Variants in NOL4L observed in about 807,000 individuals in gnomAD.
NOL4L encodes the protein nucleolar protein 4-like.
In NOL4L, 7 loss-of-function variants were observed where a neutral mutation model predicts 64.5. The observed-to-expected ratio is 0.11, with a 90% confidence interval of 0.06 to 0.20. The LOEUF is 0.20. Among genes scored for constraint, NOL4L ranks in the 10% least tolerant of loss-of-function variants. The pLI is 1.00. For missense variants in NOL4L, 680 were observed against 967.1 expected, an observed-to-expected ratio of 0.70 and a Z score of 3.94; for synonymous variants, 413 against 401.0, an observed-to-expected ratio of 1.03 and a Z score of -0.36.
At chr20:32,572,755 G>A (rs1568720695) in intron 1 of NOL4L, among the ~76,000 whole-genome samples, 1 of 152,182 alleles carries the variant, frequency 6.6e-6, no homozygotes, top group East Asian at 1.9e-4. Context: ...GTCAATCCTG[G>A]AGGCAAACCC....
intron 5 of NOL4L, among the ~76,000 whole-genome samples, chr20:32,471,674 C>T (rs780637293): frequency 5.1e-4 from 77 of 152,106 alleles, no homozygotes; most frequent in Non-Finnish European, 8.8e-4. Flanking sequence ...ATGTGTCCTC[C>T]AGGGTTGGAG....
intron 5 of NOL4L, among the ~76,000 whole-genome samples, chr20:32,456,739 G>T (rs1258068655): frequency 6.6e-6 from 1 of 152,206 alleles, no homozygotes; most frequent in Non-Finnish European, 1.5e-5. Flanking sequence ...GAGGGCCCTG[G>T]AGGCCCTCGA....
chr20:32,533,946 T>C (rs1222497730), intron 1 of NOL4L, among the ~76,000 whole-genome samples: 1 of 152,200 alleles, frequency 6.6e-6, no homozygotes, highest in Non-Finnish European at 1.5e-5. Flanking sequence ...CATGAGCCAA[T>C]TAAATGGACC....
chr20:32,510,876 G>A (rs1434905356), intron 4 of NOL4L, among the ~76,000 whole-genome samples: 1 of 152,154 alleles, frequency 6.6e-6, no homozygotes, highest in Non-Finnish European at 1.5e-5. Flanking sequence ...CAGCTGGGGA[G>A]GCTTGGACGG....
intron 1 of NOL4L, among the ~76,000 whole-genome samples, chr20:32,547,358 A>G (rs137932777): frequency 1.2e-4 from 18 of 152,204 alleles, no homozygotes; most frequent in Non-Finnish European, 2.4e-4. Context: ...TGGCTCAATC[A>G]TGACTCACTG....
chr20:32,501,846 A>G, intron 4 of NOL4L, among the ~76,000 whole-genome samples: 1 of 152,200 alleles, frequency 6.6e-6, no homozygotes, highest in East Asian at 1.9e-4. Flanking sequence ...ATATCAAAAG[A>G]GAGAGAGCTA....
intron 1 of NOL4L, among the ~76,000 whole-genome samples, chr20:32,537,785 T>C (rs960166042): frequency 1.3e-5 from 2 of 151,962 alleles, no homozygotes; most frequent in African/African-American, 2.4e-5. Context: ...CGTTTCTTTT[T>C]TTTTTTTTTT....
chr20:32,580,964 G>T (rs978199625), intron 1 of NOL4L, among the ~76,000 whole-genome samples: 1 of 152,242 alleles, frequency 6.6e-6, no homozygotes, highest in Non-Finnish European at 1.5e-5. Context: ...GCCAATGCCG[G>T]AACGGAATTG....
intron 4 of NOL4L, among the ~76,000 whole-genome samples, chr20:32,490,138 A>AC (rs1158784364): frequency 4.9e-5 from 7 of 143,528 alleles, no homozygotes; most frequent in Admixed American, 2.8e-4. Flanking sequence ...CAAAAAAAAA[A>AC]AAAAAAATAT....
At chr20:32,478,273 A>ACACACACACACACACACT (rs1373957221) in intron 4 of NOL4L, among the ~76,000 whole-genome samples, 1 of 143,332 alleles carries the variant, frequency 7.0e-6, no homozygotes, top group Non-Finnish European at 1.5e-5. Flanking sequence ...ACACACACAC[A>ACACACACACACACACACT]CTCTCTCTCT....
intron 1 of NOL4L, chr20:32,572,648 G>C (rs181261204): frequency 6.6e-6 from 1 of 152,278 alleles, no homozygotes; most frequent in Non-Finnish European, 1.5e-5. Context: ...CAGGACTCCC[G>C]GCCTCCACTT....
intron 1 of NOL4L, 100 bp from the exon 2 acceptor site, chr20:32,528,013 C>G: frequency 3.5e-6 from 3 of 868,706 alleles, no homozygotes; most frequent in African/African-American, 1.7e-5. Context: ...GCAATGCCTC[C>G]GACAGTGGGT....
chr20:32,560,771 G>A (rs1472991983), intron 1 of NOL4L, among the ~76,000 whole-genome samples: 2 of 152,260 alleles, frequency 1.3e-5, no homozygotes, highest in South Asian at 2.1e-4. Flanking sequence ...TTCTATCCTG[G>A]ACGGCTGGAT....
At chr20:32,518,867 G>C (rs2017797289) in intron 3 of NOL4L, among the ~76,000 whole-genome samples, 1 of 152,214 alleles carries the variant, frequency 6.6e-6, no homozygotes, top group Non-Finnish European at 1.5e-5. Context: ...CTGCTGCCTG[G>C]CCAGGGGCAG....
intron 5 of NOL4L, among the ~76,000 whole-genome samples, chr20:32,473,032 C>A (rs1282709718): frequency 6.6e-6 from 1 of 152,204 alleles, no homozygotes; most frequent in Non-Finnish European, 1.5e-5. Context: ...TGTCAGCTAC[C>A]TGATCCTGAC....
intron 5 of NOL4L, among the ~76,000 whole-genome samples, chr20:32,470,995 G>A (rs1472156294): frequency 6.6e-6 from 1 of 152,248 alleles, no homozygotes; most frequent in African/African-American, 2.4e-5. Flanking sequence ...ACCAGTGGCT[G>A]TGATCGCAGG....
At chr20:32,507,262 A>G (rs1217276065) in intron 4 of NOL4L, among the ~76,000 whole-genome samples, 1 of 152,120 alleles carries the variant, frequency 6.6e-6, no homozygotes, top group African/African-American at 2.4e-5. Flanking sequence ...ACCACACTCC[A>G]CTATTTTCTG....
intron 1 of NOL4L, among the ~76,000 whole-genome samples, chr20:32,556,059 G>A (rs542477590): frequency 3.3e-5 from 5 of 152,338 alleles, no homozygotes; most frequent in East Asian, 1.9e-4. Context: ...GGGCACAGAC[G>A]GGGTCTGCCT....
At chr20:32,522,793 C>A (rs1249181409) in intron 2 of NOL4L, among the ~76,000 whole-genome samples, 1 of 152,174 alleles carries the variant, frequency 6.6e-6, no homozygotes, top group African/African-American at 2.4e-5. Context: ...CCCCTCGGCT[C>A]CCCTGAGACG....
Sources: gnomAD v4.1 joint callset for allele counts (sites outside exome capture counted in the v4.1 genomes callset) on GRCh38, gnomAD v4.1.1 for gene constraint, MANE v1.5 for transcripts, NCBI Gene and HGNC (gene_info 2026-07-23, HGNC 2026-07-21) for gene names.